The following SNX24 variants were observed in gnomAD, a reference collection of about 807,000 sequenced individuals.
The protein encoded by SNX24 is sorting nexin-24.
SNX24 carries 22 observed loss-of-function variants against 28.7 expected under a neutral mutation model. The ratio of observed to expected loss-of-function variants is 0.77; its 90% CI spans 0.55 to 1.10. The LOEUF is 1.10. Ranked by LOEUF, SNX24 falls within the 50% of genes least tolerant of loss-of-function variation. The probability of loss-of-function intolerance (pLI) is 0.00; values close to 1 mark genes in which losing one functional copy is unlikely to be tolerated. For missense variants in SNX24, 221 were observed against 201.1 expected, an observed-to-expected ratio of 1.10 and a Z score of -0.60; for synonymous variants, 69 against 71.5, an observed-to-expected ratio of 0.96 and a Z score of 0.18.
intron 1 of SNX24, among the ~76,000 whole-genome samples, chr5:122,917,541 T>G (rs929445492): frequency 6.6e-6 from 1 of 152,166 alleles, no homozygotes; most frequent in Non-Finnish European, 1.5e-5. Flanking sequence ...TTTCAAACAT[T>G]CAGGACGGAG....
intron 5 of SNX24, among the ~76,000 whole-genome samples, chr5:123,024,923 C>A (rs1561747543): frequency 6.6e-6 from 1 of 152,116 alleles, no homozygotes; most frequent in Non-Finnish European, 1.5e-5. Flanking sequence ...ACCTGTAAGG[C>A]AGAAATATTG....
chr5:122,908,226 A>T (rs187829983), intron 1 of SNX24, among the ~76,000 whole-genome samples: 1 of 152,244 alleles, frequency 6.6e-6, no homozygotes, highest in African/African-American at 2.4e-5. Flanking sequence ...TGTTCCGTCA[A>T]CTAGTTTTGC....
intron 1 of SNX24, among the ~76,000 whole-genome samples, chr5:122,877,469 TG>T (rs1045178474): frequency 3.5e-4 from 53 of 152,288 alleles, no homozygotes; most frequent in African/African-American, 1.2e-3. Flanking sequence ...GACAGTGGCA[TG>T]GGATGGACAT....
At chr5:122,881,188 T>C (rs1344052005) in intron 1 of SNX24, among the ~76,000 whole-genome samples, 1 of 150,676 alleles carries the variant, frequency 6.6e-6, no homozygotes, top group Non-Finnish European at 1.5e-5. Flanking sequence ...CATTAAAAAT[T>C]TGTTATAGGA....
chr5:122,891,860 G>T (rs951054306), intron 1 of SNX24, among the ~76,000 whole-genome samples: 1 of 152,158 alleles, frequency 6.6e-6, no homozygotes, highest in South Asian at 2.1e-4. Context: ...GAGCAAACAT[G>T]TGAGAATAAA....
chr5:122,887,668 G>T (rs1050023307), intron 1 of SNX24, among the ~76,000 whole-genome samples: 3 of 152,042 alleles, frequency 2.0e-5, no homozygotes, highest in African/African-American at 7.2e-5. Context: ...TTGTCTAATT[G>T]GTTGTTTAAC....
chr5:122,939,292 T>C (rs1288831577), intron 2 of SNX24, among the ~76,000 whole-genome samples: 1 of 152,224 alleles, frequency 6.6e-6, no homozygotes, highest in African/African-American at 2.4e-5. Flanking sequence ...AAAAATTAGA[T>C]TTGTTTATTA....
intron 1 of SNX24, among the ~76,000 whole-genome samples, chr5:122,909,709 T>G (rs981072661): frequency 1.3e-5 from 2 of 152,198 alleles, no homozygotes; most frequent in Admixed American, 6.5e-5. Context: ...TTTAAGTCAG[T>G]CATGTGCTTA....
Position 123,001,921 on chromosome 5 carries a change from C to T in SNX24, c.378-19C>T, listed in dbSNP as rs201672343. The T allele has an allele frequency of 1.6e-4, 255 of 1,611,962 alleles. No individual in the cohort carries two copies. In the African/African-American group the frequency reaches 2.6e-3, roughly 16 times the overall value. ...CCATCGTCCCCTGATGCTGACATGC[C>T]TGTTCTTGACCTTTCCAGCAAACTG... On this transcript the variant is annotated intron_variant, in intron 5 of 6. Coordinates refer to ENST00000261369, the MANE Select transcript of SNX24 (RefSeq NM_014035.4).
chr5:122,875,385 G>A (rs542147864), intron 1 of SNX24, among the ~76,000 whole-genome samples: 1 of 152,276 alleles, frequency 6.6e-6, no homozygotes, highest in East Asian at 1.9e-4. Flanking sequence ...TCTATGGATA[G>A]CCCATACAAA....
At chr5:122,848,500 C>A (rs776852850) in intron 1 of SNX24, among the ~76,000 whole-genome samples, 1 of 148,590 alleles carries the variant, frequency 6.7e-6, no homozygotes, top group African/African-American at 2.5e-5. Context: ...GGTCAGGAGG[C>A]GAGACCAGCC....
At chr5:123,013,432 T>G (rs1323838427), downstream of SNX24, among the ~76,000 whole-genome samples, 2 of 152,220 alleles carry the variant, frequency 1.3e-5, no homozygotes, top group Non-Finnish European at 2.9e-5. Flanking sequence ...TGATGATAAT[T>G]ACAGATTTTG....
At chr5:122,905,799 T>C (rs956450782) in intron 1 of SNX24, among the ~76,000 whole-genome samples, 1 of 152,178 alleles carries the variant, frequency 6.6e-6, no homozygotes, top group African/African-American at 2.4e-5. Context: ...GAGATACTAC[T>C]TGGGAACTCA....
At position 122,936,721 on chromosome 5, in the gene SNX24, A is replaced by G; in HGVS notation, c.61-13A>G. 2 of 1,489,396 alleles carry G rather than the reference A, an allele frequency of 1.3e-6. No homozygotes were observed. Among genetic ancestry groups the G allele is most frequent in the South Asian group, 1.2e-5 (1 of 85,466 alleles). 92.3% of individuals were successfully genotyped at this position (1,489,396 alleles called of 1,614,324 possible). A position where few individuals can be genotyped will look rare whatever the true frequency, so the allele number is the denominator to read the frequency against. On this transcript the variant is annotated splice_polypyrimidine_tract_variant and intron_variant, in intron 1 of 6. Transcript: ENST00000261369. ...TGAACTAATATAATTAATCTTTTAAATTTTTTCCTCAGGTGTTTAAGATAG... is the reference window on the plus strand; with the variant it reads ...TGAACTAATATAATTAATCTTTTAAGTTTTTTCCTCAGGTGTTTAAGATAG...
intron 3 of SNX24, among the ~76,000 whole-genome samples, chr5:122,997,934 A>G (rs1762108417): frequency 6.6e-6 from 1 of 152,140 alleles, no homozygotes; most frequent in Admixed American, 6.5e-5. Flanking sequence ...ACAGATATCT[A>G]GAAAAAAAAA....
chr5:122,957,230 A>C (rs1166585779), intron 3 of SNX24, among the ~76,000 whole-genome samples: 1 of 152,184 alleles, frequency 6.6e-6, no homozygotes, highest in East Asian at 1.9e-4. Flanking sequence ...ATTCTTTTGC[A>C]TGTGGACATC....
chr5:122,973,305 C>G (rs1289917945), intron 3 of SNX24, among the ~76,000 whole-genome samples: 2 of 152,226 alleles, frequency 1.3e-5, no homozygotes, highest in Non-Finnish European at 2.9e-5. Context: ...TCCTCCCATG[C>G]AAAGTGTACA....
chr5:122,959,278 C>T (rs567764061), intron 3 of SNX24, among the ~76,000 whole-genome samples: 3 of 147,846 alleles, frequency 2.0e-5, no homozygotes, highest in South Asian at 4.5e-4. Context: ...TTAGGTTATA[C>T]GATTTTTCTT....
intron 1 of SNX24, among the ~76,000 whole-genome samples, chr5:122,902,929 A>G (rs886287914): frequency 1.3e-5 from 2 of 152,114 alleles, no homozygotes; most frequent in Non-Finnish European, 2.9e-5. Context: ...TATCATTGCA[A>G]TTCTGGATCT....
Sources: gnomAD v4.1 joint callset for allele counts (sites outside exome capture counted in the v4.1 genomes callset) on GRCh38, gnomAD v4.1.1 for gene constraint, MANE v1.5 for transcripts, NCBI Gene and HGNC (gene_info 2026-07-23, HGNC 2026-07-21) for gene names.